OSBPL10: variants seen among roughly 807,000 people sequenced by gnomAD.
The protein encoded by OSBPL10 is oxysterol-binding protein-related protein 10.
OSBPL10 carries 49 observed loss-of-function variants against 81.7 expected under a neutral mutation model. That is an observed-to-expected ratio of 0.60 (90% confidence interval 0.48 to 0.76). The LOEUF is 0.76. Among genes scored for constraint, OSBPL10 ranks in the 30% least tolerant of loss-of-function variants. OSBPL10 has a pLI of 0.00. For missense variants in OSBPL10, 923 were observed against 987.8 expected (o/e 0.93, Z 0.88); for synonymous variants, 419 against 383.6 (o/e 1.09, Z -1.08).
At chr3:32,034,417 G>A (rs1301967948) in intron 2 of OSBPL10, among the ~76,000 whole-genome samples, 2 of 146,808 alleles carry the variant, frequency 1.4e-5, no homozygotes, top group East Asian at 2.0e-4. Flanking sequence ...CTCCAGCCTC[G>A]GTGACAGAGC....
At chr3:31,980,749 C>G in intron 1 of OSBPL10, 150 bp downstream of exon 1, 1 of 1,072,792 alleles carries the variant, frequency 9.3e-7, no homozygotes, top group East Asian at 3.3e-5. Flanking sequence ...AGCAGGGACG[C>G]AGGAAGGGCA....
chr3:31,815,044 G>A (rs770745721), intron 4 of OSBPL10, among the ~76,000 whole-genome samples: 6 of 148,380 alleles, frequency 4.0e-5, no homozygotes, highest in South Asian at 2.2e-4. Context: ...CTCTATCCCC[G>A]GAGCGCTTCT....
intron 6 of OSBPL10, among the ~76,000 whole-genome samples, chr3:31,729,940 C>T (rs770033824): frequency 5.9e-5 from 9 of 152,186 alleles, no homozygotes; most frequent in Admixed American, 3.3e-4. Context: ...ACTTGGTCTC[C>T]AAATCTCACA....
At chr3:31,683,584 T>G in intron 8 of OSBPL10, 50 bp downstream of exon 8, 1 of 1,574,572 alleles carries the variant, frequency 6.4e-7, no homozygotes, top group East Asian at 2.3e-5. Context: ...CTACCAGGTA[T>G]AGAAACGTCA....
intron 2 of OSBPL10, among the ~76,000 whole-genome samples, chr3:32,009,467 TAC>T (rs1321429319): frequency 6.6e-6 from 1 of 152,210 alleles, no homozygotes; most frequent in Non-Finnish European, 1.5e-5. Context: ...TATAAAATGA[TAC>T]AGTCTTCCAC....
At chr3:31,675,150 A>G (rs529859240) in intron 8 of OSBPL10, among the ~76,000 whole-genome samples, 185 of 147,544 alleles carry the variant, frequency 1.3e-3, no homozygotes, top group African/African-American at 4.5e-3. Context: ...TTTGTGGTTC[A>G]CCCTTCATGT....
At position 31,930,007 on chromosome 3, in the gene OSBPL10, A is replaced by C. The variant is rs371561915; in HGVS notation, c.282-50177T>G. Among the ~76,000 whole-genome samples, 580 of 100,286 alleles carry C rather than the reference A, an allele frequency of 5.8e-3. 5 individuals are homozygous for C. Among genetic ancestry groups the C allele is most frequent in the African/African-American group, 0.013 (433 of 34,450 alleles). The allele number at this position is 100,286 out of a possible 152,430, so 65.8% of individuals were successfully genotyped here. A position where few individuals can be genotyped will look rare whatever the true frequency, so the allele number is the denominator to read the frequency against. Reference sequence around the variant, plus strand: ...AAGTGAGACCCTGTCACCAACCAAAAAAAAAAAAAAAAAAAAAAACAGGTG... The same window carrying C: ...AAGTGAGACCCTGTCACCAACCAAACAAAAAAAAAAAAAAAAAAACAGGTG... On this transcript the variant is annotated intron_variant, in intron 1 of 11. Transcript: ENST00000396556.
chr3:31,764,295 G>GC (rs1698138617), intron 4 of OSBPL10, among the ~76,000 whole-genome samples: 1 of 152,240 alleles, frequency 6.6e-6, no homozygotes, highest in East Asian at 1.9e-4. Flanking sequence ...CCACGGCCCA[G>GC]CCTGCTGGTG....
At chr3:31,891,074 C>G (rs1024120205) in intron 1 of OSBPL10, among the ~76,000 whole-genome samples, 1 of 152,164 alleles carries the variant, frequency 6.6e-6, no homozygotes, top group Non-Finnish European at 1.5e-5. Flanking sequence ...CCCCATGGCT[C>G]AGCTTTTTCC....
At chr3:31,894,880 G>C (rs1038788419) in intron 1 of OSBPL10, among the ~76,000 whole-genome samples, 1 of 152,240 alleles carries the variant, frequency 6.6e-6, no homozygotes, top group Middle Eastern at 3.4e-3. Flanking sequence ...ACTTAGATGT[G>C]ATCAATTGAC....
intron 2 of OSBPL10, among the ~76,000 whole-genome samples, chr3:31,999,260 T>C (rs555069148): frequency 1.1e-4 from 16 of 152,308 alleles, no homozygotes; most frequent in Non-Finnish European, 1.6e-4. Flanking sequence ...CTGATTCCCC[T>C]ATGTCAGTGA....
chr3:31,996,314 T>C (rs1054260744), intron 2 of OSBPL10, among the ~76,000 whole-genome samples: 2 of 152,228 alleles, frequency 1.3e-5, no homozygotes, highest in African/African-American at 2.4e-5. Context: ...AACATTCTTT[T>C]TGTTACAACC....
At chr3:32,071,008 C>T (rs1699824526) in intron 1 of OSBPL10, among the ~76,000 whole-genome samples, 1 of 152,196 alleles carries the variant, frequency 6.6e-6, no homozygotes, top group Non-Finnish European at 1.5e-5. Flanking sequence ...TTTCTTTCCA[C>T]TCCTCTGCTT....
intron 6 of OSBPL10, among the ~76,000 whole-genome samples, chr3:31,712,447 G>A (rs1226113542): frequency 6.6e-6 from 1 of 152,194 alleles, no homozygotes; most frequent in Non-Finnish European, 1.5e-5. Flanking sequence ...TGCTGAGGTG[G>A]CCTTGATGTA....
At chr3:31,899,678 AAAAG>A (rs1246047038) in intron 1 of OSBPL10, among the ~76,000 whole-genome samples, 4 of 152,128 alleles carry the variant, frequency 2.6e-5, no homozygotes, top group Non-Finnish European at 5.9e-5. Context: ...AAATAAAGAG[AAAAG>A]AAAGAAAGAA....
chr3:31,990,996 A>G lies in OSBPL10; in HGVS notation n.298+55495T>C, dbSNP rs748634300. The G allele has an allele frequency of 3.9e-6, 6 of 1,547,760 alleles. No individual in the cohort carries two copies. The African/African-American group carries it at 8.3e-5, about 21-fold the overall frequency. On this transcript the variant is annotated intron_variant and non_coding_transcript_variant, in intron 2 of 3. Coordinates refer to the OSBPL10 transcript ENST00000479173. ...TCAGTTAGAGGTCACTCCTTGCAAA[A>G]CATCAGAAAATTCATTCCTGAGATA...
intron 4 of OSBPL10, among the ~76,000 whole-genome samples, chr3:31,796,556 T>C (rs1239166603): frequency 6.6e-6 from 1 of 152,160 alleles, no homozygotes; most frequent in African/African-American, 2.4e-5. Flanking sequence ...TTTTGCCCCT[T>C]TCCTCTATAA....
intron 1 of OSBPL10, among the ~76,000 whole-genome samples, chr3:31,927,554 TAACTA>T (rs1413005345): frequency 6.6e-6 from 1 of 152,098 alleles, no homozygotes; most frequent in Admixed American, 6.6e-5. Flanking sequence ...AGAGTCATCT[TAACTA>T]TTTTTTAAAT....
chr3:32,066,011 A>AAGAAAGAGAG (rs1559557407), intron 1 of OSBPL10, among the ~76,000 whole-genome samples: 1 of 53,228 alleles, frequency 1.9e-5, no homozygotes, highest in African/African-American at 4.3e-5. Flanking sequence ...AAGAAAGAGA[A>AAGAAAGAGAG]AGAAAGAAAG....
Sources: gnomAD v4.1 joint callset for allele counts (sites outside exome capture counted in the v4.1 genomes callset) on GRCh38, gnomAD v4.1.1 for gene constraint, MANE v1.5 for transcripts, NCBI Gene and HGNC (gene_info 2026-07-23, HGNC 2026-07-21) for gene names.